JAZF1: variants seen among roughly 807,000 people sequenced by gnomAD.
JAZF1 encodes the protein JAZF zinc finger 1.
A neutral mutation model predicts 26.4 loss-of-function variants in JAZF1; 8 were observed. The ratio of observed to expected loss-of-function variants is 0.30; its 90% confidence interval spans 0.18 to 0.55. The LOEUF is 0.55. JAZF1 is among the 20% of genes least tolerant of loss of function. The probability of loss-of-function intolerance (pLI) is 0.94; values close to 1 mark genes in which losing one functional copy is unlikely to be tolerated. For missense variants in JAZF1, 199 were observed against 322.0 expected (o/e 0.62, Z 2.92); for synonymous variants, 126 against 122.3 (o/e 1.03, Z -0.20).
rs1050630505 is a variant in JAZF1 at position 27,840,600 on chromosome 7, C to T, written c.555+98G>A. ...AGGAGAGGGGAGTGTCTCCCCCCAG[C>T]CCATACGCTCGCTTTAAAATCAAGA... On this transcript the variant is annotated intron_variant, in intron 4 of 4. Transcript: ENST00000283928. The surrounding 1 kb of genome is among the most constrained non-coding windows in gnomAD (Gnocchi z 5.1). 3 of 1,249,324 alleles carry T rather than the reference C, an allele frequency of 2.4e-6. No individual in the cohort carries two copies. The highest frequency in any genetic ancestry group is 3.4e-6 in the Non-Finnish European group (3 of 872,638). The allele number at this position is 1,249,324 out of a possible 1,614,324, so 77.4% of individuals were successfully genotyped here.
intron 1 of JAZF1, chr7:28,020,774 T>TC (rs1442762752): frequency 1.7e-5 from 8 of 458,332 alleles, no homozygotes; most frequent in Non-Finnish European, 3.6e-5. Flanking sequence ...GCTGAGCATC[T>TC]CTTCTCCAGC....
At chr7:28,156,533 A>G (rs756019055) in intron 1 of JAZF1, among the ~76,000 whole-genome samples, 1 of 152,386 alleles carries the variant, frequency 6.6e-6, no homozygotes, top group African/African-American at 2.4e-5. Context: ...CAGTGAAGAG[A>G]GAAGACCATT....
At chr7:27,914,141 G>T (rs1784407328) in intron 2 of JAZF1, among the ~76,000 whole-genome samples, 1 of 152,158 alleles carries the variant, frequency 6.6e-6, no homozygotes, top group Non-Finnish European at 1.5e-5. Context: ...TGCTATGTGG[G>T]TTGAAAATTT....
chr7:27,847,869 T>C (rs1485668329), intron 3 of JAZF1, among the ~76,000 whole-genome samples: 1 of 152,090 alleles, frequency 6.6e-6, no homozygotes, highest in Non-Finnish European at 1.5e-5. Flanking sequence ...GGTTTTGCTA[T>C]GTTGGCCAGG....
intron 1 of JAZF1, among the ~76,000 whole-genome samples, chr7:28,122,910 T>A (rs113143038): frequency 6.6e-5 from 10 of 152,182 alleles, no homozygotes; most frequent in Non-Finnish European, 1.3e-4. Context: ...TCAGCCTCGA[T>A]GAAATTCTCA....
At chr7:28,127,794 AAGG>A (rs970129736) in intron 1 of JAZF1, among the ~76,000 whole-genome samples, 2 of 152,146 alleles carry the variant, frequency 1.3e-5, no homozygotes, top group Non-Finnish European at 2.9e-5. Flanking sequence ...CGGCAATAGC[AAGG>A]AGAAGTGCCG....
At chr7:28,161,860 C>A (rs1402039800) in intron 1 of JAZF1, among the ~76,000 whole-genome samples, 1 of 152,144 alleles carries the variant, frequency 6.6e-6, no homozygotes, top group Non-Finnish European at 1.5e-5. Context: ...ACTGTGTGAT[C>A]TTGAGGGGAT....
At chr7:28,161,214 C>T (rs1177098129) in intron 1 of JAZF1, among the ~76,000 whole-genome samples, 3 of 142,962 alleles carry the variant, frequency 2.1e-5, no homozygotes, top group Non-Finnish European at 4.5e-5. Flanking sequence ...TTATAACCAG[C>T]CTTTTGGTTT....
chr7:27,869,735 A>C (rs576702402), intron 3 of JAZF1, among the ~76,000 whole-genome samples: 3 of 152,324 alleles, frequency 2.0e-5, no homozygotes, highest in Admixed American at 6.5e-5. Context: ...GAAACACGGC[A>C]ACAAAAGACA....
intron 1 of JAZF1, among the ~76,000 whole-genome samples, chr7:28,147,009 A>C (rs1783038339): frequency 6.6e-6 from 1 of 151,836 alleles, no homozygotes; most frequent in Non-Finnish European, 1.5e-5. Context: ...GGCGCCCGCC[A>C]CTACACTTGG....
chr7:28,011,676 T>C (rs778653744), intron 1 of JAZF1, among the ~76,000 whole-genome samples: 2 of 152,138 alleles, frequency 1.3e-5, no homozygotes, highest in Admixed American at 6.5e-5. Context: ...AAAAACAACA[T>C]AGTGACCCAG....
intron 1 of JAZF1, among the ~76,000 whole-genome samples, chr7:28,135,631 A>G (rs989866762): frequency 6.6e-6 from 1 of 151,356 alleles, no homozygotes; most frequent in African/African-American, 2.5e-5. Flanking sequence ...GAACACGGAG[A>G]AGAAGTTTTC....
At chr7:28,151,196 C>T (rs1378022384) in intron 1 of JAZF1, among the ~76,000 whole-genome samples, 2 of 151,778 alleles carry the variant, frequency 1.3e-5, no homozygotes, top group Middle Eastern at 3.4e-3. Flanking sequence ...CTCCACCTCC[C>T]GGGTTCAAGT....
Position 28,025,259 on chromosome 7 carries a change from TAAC to T in JAZF1, c.116-33281_116-33279del, listed in dbSNP as rs200842858. 2.2e-3 allele frequency among the ~76,000 whole-genome samples: 337 copies of T among 152,334 alleles called. 2 individuals are homozygous for T. In the East Asian group the frequency reaches 0.025, roughly 11 times the overall value. On this transcript the variant is annotated intron_variant, in intron 1 of 4. Transcript: ENST00000283928. ...GTTAAAGAACATTTGTCCTCATACTTAACAACAACCCAGTCAACCCTTTATTCT... is the reference window on the plus strand; with the variant it reads ...GTTAAAGAACATTTGTCCTCATACTTAACAACCCAGTCAACCCTTTATTCT...
At chr7:28,136,879 C>T (rs554121980) in intron 1 of JAZF1, among the ~76,000 whole-genome samples, 1 of 152,272 alleles carries the variant, frequency 6.6e-6, no homozygotes, top group South Asian at 2.1e-4. Context: ...CCACAGAGTG[C>T]GATGGGTGGA....
At chr7:28,108,375 CTAT>C (rs1163236187) in intron 1 of JAZF1, among the ~76,000 whole-genome samples, 1 of 152,172 alleles carries the variant, frequency 6.6e-6, no homozygotes, top group Non-Finnish European at 1.5e-5. Flanking sequence ...CATGGTGCTC[CTAT>C]TATTACATTT....
intron 1 of JAZF1, among the ~76,000 whole-genome samples, chr7:28,066,491 T>C (rs184233413): frequency 6.7e-6 from 1 of 149,922 alleles, no homozygotes; most frequent in Admixed American, 6.7e-5. Flanking sequence ...TTATCCCAGC[T>C]ACTTGGGAGG....
chr7:27,988,215 T>A (rs568170399), intron 2 of JAZF1, among the ~76,000 whole-genome samples: 78 of 152,104 alleles, frequency 5.1e-4, no homozygotes, highest in Non-Finnish European at 2.9e-5. Context: ...AAGAACATGA[T>A]TCTAATCTCT....
At chr7:28,106,617 T>C (rs1222860409) in intron 1 of JAZF1, among the ~76,000 whole-genome samples, 1 of 152,156 alleles carries the variant, frequency 6.6e-6, no homozygotes, top group Non-Finnish European at 1.5e-5. Context: ...ATTCACCATA[T>C]GGTCATTTCC....
Sources: gnomAD v4.1 joint callset for allele counts (sites outside exome capture counted in the v4.1 genomes callset) on GRCh38, gnomAD v4.1.1 for gene constraint, Gnocchi (gnomAD v3.1) non-coding constraint, MANE v1.5 for transcripts, NCBI Gene and HGNC (gene_info 2026-07-23, HGNC 2026-07-21) for gene names.